Variants in NCAM2 observed in about 807,000 individuals in gnomAD.
NCAM2 encodes neural cell adhesion molecule 2, also known as N-CAM-2.
A neutral mutation model predicts 98.1 loss-of-function variants in NCAM2; 30 were observed. The ratio of observed to expected loss-of-function variants is 0.31; its 90% CI spans 0.23 to 0.41. NCAM2 has a LOEUF of 0.41. Among genes scored for constraint, NCAM2 ranks in the 10% least tolerant of loss-of-function variants. The pLI is 1.00. For synonymous variants in NCAM2, 368 were observed against 342.4 expected (o/e 1.07, Z -0.83); for missense variants, 867 against 1,005.8 (o/e 0.86, Z 1.87).
At chr21:21,072,629 A>G (rs8127635) in intron 1 of NCAM2, among the ~76,000 whole-genome samples, 4,157 of 152,224 alleles carry the variant, frequency 0.027, 162 homozygotes, top group African/African-American at 0.093. Context: ...CGTTTCATTG[A>G]AACTTTCAAA....
chr21:21,400,184 C>T (rs574283016), intron 9 of NCAM2, among the ~76,000 whole-genome samples: 1 of 152,128 alleles, frequency 6.6e-6, no homozygotes, highest in African/African-American at 2.4e-5. Flanking sequence ...GTGACACATT[C>T]AGATGCTGGC....
chr21:21,251,557 G>C (rs1388768706), intron 1 of NCAM2, among the ~76,000 whole-genome samples: 5 of 152,116 alleles, frequency 3.3e-5, no homozygotes, highest in African/African-American at 1.2e-4. Context: ...GTCTATCATT[G>C]ATGCGCATTT....
intron 1 of NCAM2, among the ~76,000 whole-genome samples, chr21:21,078,317 C>G (rs1421821809): frequency 6.6e-6 from 1 of 152,150 alleles, no homozygotes. Context: ...TATTAATTAT[C>G]TTGCCATCCT....
intron 1 of NCAM2, among the ~76,000 whole-genome samples, chr21:21,045,304 A>AT (rs1251590293): frequency 5.9e-5 from 9 of 152,132 alleles, no homozygotes; most frequent in Admixed American, 3.9e-4. Context: ...ATATCATAGG[A>AT]TTTTTTCCTC....
At chr21:21,335,273 T>G (rs529046224) in intron 6 of NCAM2, among the ~76,000 whole-genome samples, 1 of 152,260 alleles carries the variant, frequency 6.6e-6, no homozygotes, top group African/African-American at 2.4e-5. Flanking sequence ...GATTTTGACA[T>G]AGTTCAAATG....
chr21:21,069,319 G>A (rs1277267293), intron 1 of NCAM2, among the ~76,000 whole-genome samples: 5 of 152,116 alleles, frequency 3.3e-5, no homozygotes, highest in Admixed American at 6.5e-5. Flanking sequence ...AATTATATAT[G>A]AATAATATTT....
chr21:21,138,258 G>A (rs1683929434), intron 1 of NCAM2, among the ~76,000 whole-genome samples: 2 of 152,104 alleles, frequency 1.3e-5, no homozygotes, highest in African/African-American at 4.8e-5. Flanking sequence ...GCCTTGATCT[G>A]CCCCAGACGT....
chr21:21,452,981 T>G (rs375349053), intron 12 of NCAM2, among the ~76,000 whole-genome samples: 2 of 87,016 alleles, frequency 2.3e-5, no homozygotes, highest in Non-Finnish European at 4.1e-5. Flanking sequence ...TTATTATATA[T>G]TATATATTAT....
intron 15 of NCAM2, among the ~76,000 whole-genome samples, chr21:21,499,671 A>T (rs542418126): frequency 4.2e-4 from 64 of 152,312 alleles, no homozygotes; most frequent in African/African-American, 1.3e-3. Context: ...GCTACTCTAA[A>T]CTGAATGTTT....
chr21:21,234,198 A>C (rs1432014677), intron 1 of NCAM2, among the ~76,000 whole-genome samples: 1 of 151,854 alleles, frequency 6.6e-6, no homozygotes, highest in Admixed American at 6.6e-5. Flanking sequence ...TTAACAATCT[A>C]CAATGCACTA....
In NCAM2 at chr21:21,081,490, A is replaced by G. The variant is rs74389122; in HGVS notation, c.55+82872A>G. Among the ~76,000 whole-genome samples the G allele has an allele frequency of 3.2e-3, 484 of 152,200 alleles. 6 individuals are homozygous for G. Among genetic ancestry groups the G allele is most frequent in the African/African-American group, 0.011 (466 of 41,552 alleles). On this transcript the variant is annotated intron_variant, in intron 1 of 17. Transcript: ENST00000400546. ...GACTAGCTACCTACTGTAACAAAAA[A>G]GACAATGTATTACTTATTAAGAATT...
intron 16 of NCAM2, among the ~76,000 whole-genome samples, chr21:21,531,708 T>A (rs920956087): frequency 2.6e-5 from 4 of 152,134 alleles, no homozygotes; most frequent in Admixed American, 2.0e-4. Context: ...TTACTCTTTT[T>A]AATTCTACAG....
chr21:21,355,690 A>G (rs1425210172), intron 8 of NCAM2, among the ~76,000 whole-genome samples: 1 of 151,544 alleles, frequency 6.6e-6, no homozygotes, highest in Non-Finnish European at 1.5e-5. Context: ...ACCTCGGCTC[A>G]CTGCAACCTC....
At chr21:21,250,207 C>T (rs1428327895) in intron 1 of NCAM2, among the ~76,000 whole-genome samples, 1 of 152,172 alleles carries the variant, frequency 6.6e-6, no homozygotes, top group Non-Finnish European at 1.5e-5. Context: ...GAAGAAAGTG[C>T]ACTTGAGTTA....
intron 1 of NCAM2, among the ~76,000 whole-genome samples, chr21:21,275,740 A>C (rs2147463456): frequency 6.6e-6 from 1 of 152,212 alleles, no homozygotes; most frequent in East Asian, 1.9e-4. Flanking sequence ...CTACCTTTTC[A>C]TATTCTTTGC....
chr21:21,157,043 T>A (rs909416932), intron 1 of NCAM2, among the ~76,000 whole-genome samples: 1 of 141,412 alleles, frequency 7.1e-6, no homozygotes, highest in Non-Finnish European at 1.6e-5. Context: ...GCAGCTGTAT[T>A]CCTACAGATT....
chr21:21,190,498 C>T (rs1056656066), intron 1 of NCAM2, among the ~76,000 whole-genome samples: 6 of 152,146 alleles, frequency 3.9e-5, no homozygotes, highest in African/African-American at 9.7e-5. Context: ...TCTTCTGGTT[C>T]GACTCTGAGT....
rs534488934 is a variant in NCAM2 at position 21,297,173 on chromosome 21, A to G, written c.619+4932A>G. Among the ~76,000 whole-genome samples the G allele has an allele frequency of 2.6e-5, 4 of 151,862 alleles. No homozygotes were observed. The South Asian group carries it at 8.3e-4, about 31-fold the overall frequency. On this transcript the variant is annotated intron_variant, in intron 5 of 17. Transcript: ENST00000400546. ...ATATTACCTTGAACATAAGGAGAAT[A>G]TATTTTATATTGAGCCTGGAGGAAA...
intron 1 of NCAM2, among the ~76,000 whole-genome samples, chr21:21,092,474 A>G (rs1010356801): frequency 2.0e-5 from 3 of 152,044 alleles, no homozygotes; most frequent in Admixed American, 2.0e-4. Context: ...AGTTATACAC[A>G]TGAATATTTA....
Sources: gnomAD v4.1 joint callset for allele counts (sites outside exome capture counted in the v4.1 genomes callset) on GRCh38, gnomAD v4.1.1 for gene constraint, MANE v1.5 for transcripts, NCBI Gene and HGNC (gene_info 2026-07-23, HGNC 2026-07-21) for gene names.